The following JPT1 variants were observed in gnomAD, a reference collection of about 807,000 sequenced individuals.
JPT1 encodes the protein androgen-regulated protein 2.
Under a neutral mutation model 17.0 loss-of-function variants are expected in JPT1, and 5 were observed. That is an observed-to-expected ratio of 0.29 (90% CI 0.15 to 0.62). JPT1 has a LOEUF of 0.62. Among genes scored for constraint, JPT1 ranks in the 20% least tolerant of loss-of-function variants. JPT1 has a pLI of 0.85. For synonymous variants in JPT1, 71 were observed against 73.6 expected (o/e 0.96, Z 0.18); for missense variants, 158 against 188.1 (o/e 0.84, Z 0.94).
intron 3 of JPT1, among the ~76,000 whole-genome samples, chr17:75,147,141 G>A (rs539682260): frequency 2.6e-5 from 4 of 151,566 alleles, no homozygotes; most frequent in Non-Finnish European, 5.9e-5. Context: ...GCTTAGTCGG[G>A]CGGGGTCTTT....
intron 4 of JPT1, among the ~76,000 whole-genome samples, chr17:75,137,111 T>C (rs973441007): frequency 4.6e-5 from 7 of 152,194 alleles, no homozygotes; most frequent in Admixed American, 1.3e-4. Flanking sequence ...CATTGCTTTA[T>C]AGTAATTATC....
chr17:75,143,248 G>A (rs2074362066), intron 4 of JPT1, among the ~76,000 whole-genome samples: 1 of 152,156 alleles, frequency 6.6e-6, no homozygotes, highest in African/African-American at 2.4e-5. Flanking sequence ...TCATGCTTAT[G>A]TAATGAAGCC....
In JPT1 at chr17:75,135,980, G is replaced by A; in HGVS notation, c.*122C>T. On this transcript the variant is annotated 3_prime_UTR_variant, in exon 5 of 5. Coordinates refer to ENST00000409753, the MANE Select transcript of JPT1 (RefSeq NM_016185.4). ...CTTCAAAAGAAAAAAAAAAAAGACA[G>A]CAGTACATAAAGTGCTTCTTTTTAA... 1 of 1,571,984 alleles carries A rather than the reference G, an allele frequency of 6.4e-7. No individual in the cohort carries two copies. Among genetic ancestry groups the A allele is most frequent in the South Asian group, 1.2e-5 (1 of 85,522 alleles).
intron 2 of JPT1, 103 bp from the exon 3 acceptor site, chr17:75,147,756 T>C (rs528338127): frequency 1.0e-5 from 9 of 875,120 alleles, no homozygotes; most frequent in South Asian, 1.4e-5. Flanking sequence ...CTCAGTGCTT[T>C]AGGAGGCCGA....
intron 1 of JPT1, among the ~76,000 whole-genome samples, chr17:75,149,922 CTGA>C (rs35849922): frequency 0.46 from 69,790 of 151,680 alleles, 19,310 homozygotes; most frequent in Non-Finnish European, 0.62. Flanking sequence ...CCAAGAAGAG[CTGA>C]TAATAGTCTC....
At chr17:75,145,790 T>G (rs1033030662) in intron 4 of JPT1, 3 of 152,180 alleles carry the variant, frequency 2.0e-5, no homozygotes, top group African/African-American at 7.2e-5. Context: ...TACAAAAAGC[T>G]CTCAGCTGGG....
intron 3 of JPT1, 134 bp from the exon 4 acceptor site, chr17:75,146,818 G>A: frequency 4.6e-6 from 3 of 652,876 alleles, no homozygotes; most frequent in Non-Finnish European, 8.2e-6. Flanking sequence ...CAAGCACAGG[G>A]TCAGTCTGCT....
chr17:75,135,839 TTTC>T lies in JPT1; in HGVS notation c.*260_*262del, dbSNP rs1038230066. On this transcript the variant is annotated 3_prime_UTR_variant, in exon 5 of 5. Transcript: ENST00000409753. ...CTCTAACACATCTGGAACCAAATTATTTCTTCTTAAAAACACAGTACTAAGTGT... is the reference window on the plus strand; with the variant it reads ...CTCTAACACATCTGGAACCAAATTATTTCTTAAAAACACAGTACTAAGTGT... The T allele has an allele frequency of 6.0e-6, 4 of 662,260 alleles. No homozygotes were observed. Among genetic ancestry groups the T allele is most frequent in the Non-Finnish European group, 1.0e-5 (4 of 401,100 alleles). 41.0% of individuals were successfully genotyped at this position (662,260 alleles called of 1,614,324 possible).
At chr17:75,139,649 C>T (rs191301377) in intron 4 of JPT1, among the ~76,000 whole-genome samples, 218 of 151,984 alleles carry the variant, frequency 1.4e-3, no homozygotes, top group African/African-American at 4.9e-3. Context: ...GGTGAAACCC[C>T]GTGTCTACAA....
Position 75,147,578 on chromosome 17 carries a change from G to A in JPT1, c.275C>T (p.Ser92Phe). The change falls in exon 3 of 5, where the codon TCC becomes TTC. Residue 92 changes from serine to phenylalanine, a missense_variant. Ser to Phe is a radical substitution (Grantham distance 155). Coordinates refer to ENST00000409753, the MANE Select transcript of JPT1 (RefSeq NM_016185.4). ...GACCTTCAGATCTAAGAAGTCTCCG[G>A]AGCTTGCTTCAGAGGAGTTCCTTCT... ...LQRRNSSEASSGDFLDLKGEG... is the reference protein window; with the variant it reads ...LQRRNSSEASFGDFLDLKGEG... 1 of 1,613,726 alleles carries A rather than the reference G, an allele frequency of 6.2e-7. No homozygotes were observed. Among genetic ancestry groups the A allele is most frequent in the South Asian group, 1.1e-5 (1 of 91,074 alleles).
intron 4 of JPT1, among the ~76,000 whole-genome samples, chr17:75,146,036 C>CTA (rs2074424911): frequency 6.6e-6 from 1 of 152,046 alleles, no homozygotes; most frequent in Non-Finnish European, 1.5e-5. Context: ...CTGTGATTGC[C>CTA]TACTGCACTC....
In JPT1 at chr17:75,140,496, T is replaced by G. The variant is rs553133503; in HGVS notation, c.317-4246A>C. Among the ~76,000 whole-genome samples, 14 of 152,314 alleles carry G rather than the reference T, an allele frequency of 9.2e-5. No individual in the cohort carries two copies. The East Asian group carries it at 2.5e-3, about 27-fold the overall frequency. On this transcript the variant is annotated intron_variant, in intron 4 of 4. Coordinates refer to ENST00000409753, the MANE Select transcript of JPT1 (RefSeq NM_016185.4). ...TCAGGGAGACTTCTCTGCCTGAACT[T>G]CCTGGACCTTCTCCCTCTTAGATTT...
chr17:75,143,598 G>A (rs995283533), intron 4 of JPT1, among the ~76,000 whole-genome samples: 14 of 151,882 alleles, frequency 9.2e-5, no homozygotes, highest in African/African-American at 3.4e-4. Flanking sequence ...CACTTTGGGA[G>A]GCTGAGGAGG....
Position 75,147,373 on chromosome 17 carries a change from CAGACTG to C in JPT1, c.297+177_297+182del, listed in dbSNP as rs962640694. On this transcript the variant is annotated intron_variant, in intron 3 of 4. Transcript: ENST00000409753. ...CCTAATGGTAAAAGAGATACAGAAA[CAGACTG>C]AGACCATGTTAACACACTTCTATGA... 8 of 545,662 alleles carry C rather than the reference CAGACTG, an allele frequency of 1.5e-5. No individual in the cohort carries two copies. The African/African-American group carries it at 1.5e-4, about 10-fold the overall frequency. 33.8% of individuals were successfully genotyped at this position (545,662 alleles called of 1,614,324 possible).
At chr17:75,147,850 T>G in intron 2 of JPT1, 197 bp from the exon 3 acceptor site, 1 of 521,490 alleles carries the variant, frequency 1.9e-6, no homozygotes, top group Non-Finnish European at 3.5e-6. Flanking sequence ...AATATAAAAA[T>G]TGGCTGGACG....
intron 4 of JPT1, among the ~76,000 whole-genome samples, chr17:75,143,938 G>T (rs1220527072): frequency 6.6e-6 from 1 of 152,142 alleles, no homozygotes; most frequent in Non-Finnish European, 1.5e-5. Context: ...TAGGAAGACT[G>T]CTTGAGTCCA....
At chr17:75,140,224 A>G (rs964947907) in intron 4 of JPT1, among the ~76,000 whole-genome samples, 2 of 152,020 alleles carry the variant, frequency 1.3e-5, no homozygotes, top group Non-Finnish European at 2.9e-5. Context: ...CCAAATGTTT[A>G]GAAACTTTTA....
rs536648962 is a variant in JPT1 at position 75,140,449 on chromosome 17, C to T, written c.317-4199G>A. On this transcript the variant is annotated intron_variant, in intron 4 of 4. Coordinates refer to ENST00000409753, the MANE Select transcript of JPT1 (RefSeq NM_016185.4). ...GAATCAGAACTGGAAGAAATGTAGCCGACCATCTAACTTGCCCGCAGTCAG... is the reference window on the plus strand; with the variant it reads ...GAATCAGAACTGGAAGAAATGTAGCTGACCATCTAACTTGCCCGCAGTCAG... Among the ~76,000 whole-genome samples, 9 of 152,146 alleles carry T rather than the reference C, an allele frequency of 5.9e-5. No individual in the cohort carries two copies. In the South Asian group the frequency reaches 6.2e-4, roughly 11 times the overall value.
intron 4 of JPT1, among the ~76,000 whole-genome samples, chr17:75,144,585 T>C (rs1417461647): frequency 6.6e-6 from 1 of 152,208 alleles, no homozygotes; most frequent in Non-Finnish European, 1.5e-5. Flanking sequence ...GAGTTCTTTC[T>C]GTGAACCTCT....
Sources: allele counts gnomAD v4.1 joint callset (sites outside exome capture counted in the v4.1 genomes callset), GRCh38; gene constraint gnomAD v4.1.1; transcripts MANE v1.5; gene names NCBI Gene and HGNC (gene_info 2026-07-23, HGNC 2026-07-21).